The following GASK1A variants were observed in gnomAD, a reference collection of about 807,000 sequenced individuals.
The protein encoded by GASK1A is Golgi-associated kinase 1A.
Under a neutral mutation model 41.2 loss-of-function variants are expected in GASK1A, and 40 were observed. That is an observed-to-expected ratio of 0.97 (90% CI 0.75 to 1.27). The LOEUF (loss-of-function observed/expected upper bound fraction) is 1.27, where lower values mean the gene tolerates loss of function less well. Among genes scored for constraint, GASK1A ranks in the 50% most tolerant of loss-of-function variants. The probability of loss-of-function intolerance (pLI) is 0.00; values close to 1 mark genes in which losing one functional copy is unlikely to be tolerated. For missense variants in GASK1A, 678 were observed against 745.1 expected (o/e 0.91, Z 1.05); for synonymous variants, 316 against 307.1 (o/e 1.03, Z -0.30).
At position 42,987,828 on chromosome 3, in the gene GASK1A, A is replaced by G. The variant is rs867067736; in HGVS notation, c.3+8183A>G. On this transcript the variant is annotated intron_variant, in intron 1 of 4. Transcript: ENST00000430121. Reference sequence around the variant, plus strand: ...AGCCTGGCCAACATGGTGAAACCCCATCTCTACTGAAAATACAAAAATTAG... The same window carrying G: ...AGCCTGGCCAACATGGTGAAACCCCGTCTCTACTGAAAATACAAAAATTAG... Among the ~76,000 whole-genome samples the G allele has an allele frequency of 3.3e-5, 5 of 151,744 alleles. No homozygotes were observed. The South Asian group carries it at 1.0e-3, about 32-fold the overall frequency.
intron 1 of GASK1A, among the ~76,000 whole-genome samples, chr3:42,980,709 A>T (rs1379683082): frequency 6.6e-6 from 1 of 152,004 alleles, no homozygotes; most frequent in East Asian, 1.9e-4. Context: ...GGGCTCAGGG[A>T]AGGGTACCTT....
In GASK1A at chr3:43,056,216, C is replaced by G. The variant is rs1455186537; in HGVS notation, c.1558C>G (p.Leu520Val). 6.4e-7 allele frequency: 1 copy of G among 1,551,704 alleles called. No homozygotes were observed. ...SAVKVLASGC[L>V]QNMLLKSLQM... Reference sequence around the variant, plus strand: ...CGTGAAGGTTCTCGCATCAGGGTGTCTACAGAACATGCTGCTGAAGTCGCT... The same window carrying G: ...CGTGAAGGTTCTCGCATCAGGGTGTGTACAGAACATGCTGCTGAAGTCGCT... The change falls in exon 5 of 5, where the codon CTA (leucine) becomes GTA (valine). Residue 520 changes from leucine (L) to valine (V), a missense_variant. By Grantham distance (32) the Leu-to-Val change is conservative (BLOSUM62 1). Transcript: ENST00000430121.
intron 1 of GASK1A, among the ~76,000 whole-genome samples, chr3:42,982,953 T>A (rs551658): frequency 6.6e-6 from 1 of 152,012 alleles, no homozygotes; most frequent in East Asian, 1.9e-4. Context: ...AGAGGACAAG[T>A]AGCTGAAGCT....
chr3:42,993,590 C>T (rs2089353618), intron 1 of GASK1A, among the ~76,000 whole-genome samples: 1 of 152,106 alleles, frequency 6.6e-6, no homozygotes, highest in Admixed American at 6.5e-5. Flanking sequence ...ACCAGGTGGC[C>T]AGAAGGGTCT....
At chr3:43,014,817 C>T (rs2125680821) in intron 1 of GASK1A, among the ~76,000 whole-genome samples, 1 of 151,534 alleles carries the variant, frequency 6.6e-6, no homozygotes, top group African/African-American at 2.4e-5. Context: ...TGGTGTGAAG[C>T]TACAGGAAAG....
chr3:43,014,898 G>A (rs1055303514), intron 1 of GASK1A, among the ~76,000 whole-genome samples: 4 of 151,908 alleles, frequency 2.6e-5, no homozygotes, highest in Non-Finnish European at 5.9e-5. Context: ...ACAGGAAGAG[G>A]CTGTTTTACG....
At chr3:43,022,343 C>T (rs949541682) in intron 1 of GASK1A, among the ~76,000 whole-genome samples, 2 of 152,222 alleles carry the variant, frequency 1.3e-5, no homozygotes, top group African/African-American at 4.8e-5. Context: ...CAACTTTCCC[C>T]AGGTTTTCTG....
At chr3:43,003,986 T>TATTC (rs200716445) in intron 1 of GASK1A, among the ~76,000 whole-genome samples, 1 of 152,210 alleles carries the variant, frequency 6.6e-6, no homozygotes, top group African/African-American at 2.4e-5. Context: ...TTCATTTATT[T>TATTC]ATTCATTCAT....
intron 1 of GASK1A, among the ~76,000 whole-genome samples, chr3:43,005,973 G>A (rs114689694): frequency 1.4e-3 from 208 of 152,296 alleles, no homozygotes; most frequent in Non-Finnish European, 2.6e-3. Context: ...GGCTTGGAAC[G>A]TATCTTCCAA....
chr3:42,988,318 G>A (rs563762735), intron 1 of GASK1A, among the ~76,000 whole-genome samples: 48 of 152,252 alleles, frequency 3.2e-4, no homozygotes, highest in African/African-American at 1.1e-3. Context: ...GGCTTTTGAG[G>A]GTGTTTGCTT....
chr3:43,002,296 A>G (rs906516053), intron 1 of GASK1A, among the ~76,000 whole-genome samples: 4 of 152,202 alleles, frequency 2.6e-5, no homozygotes, highest in Non-Finnish European at 5.9e-5. Context: ...AACTGATGGC[A>G]TATCAATTTC....
intron 1 of GASK1A, among the ~76,000 whole-genome samples, chr3:43,026,738 T>G (rs985693339): frequency 6.6e-6 from 1 of 151,632 alleles, no homozygotes; most frequent in Non-Finnish European, 1.5e-5. Flanking sequence ...TTAGAAAGGA[T>G]TAAAGAGAAG....
chr3:43,018,620 A>G (rs1251858000), intron 1 of GASK1A, among the ~76,000 whole-genome samples: 7 of 152,174 alleles, frequency 4.6e-5, no homozygotes, highest in East Asian at 3.8e-4. Flanking sequence ...ATATTCTTCT[A>G]TTTCTCAAAG....
intron 1 of GASK1A, among the ~76,000 whole-genome samples, chr3:43,017,076 G>T (rs1353158383): frequency 6.6e-6 from 1 of 152,038 alleles, no homozygotes; most frequent in Non-Finnish European, 1.5e-5. Flanking sequence ...GCATTGTGAA[G>T]TCACATGAAG....
At position 42,988,052 on chromosome 3, in the gene GASK1A, G is replaced by T. The variant is rs534176293; in HGVS notation, c.3+8407G>T. Among the ~76,000 whole-genome samples, 4 of 144,352 alleles carry T rather than the reference G, an allele frequency of 2.8e-5. No individual in the cohort carries two copies. In the East Asian group the frequency reaches 8.3e-4, roughly 30 times the overall value. The allele number at this position is 144,352 out of a possible 152,430, so 94.7% of individuals were successfully genotyped here. On this transcript the variant is annotated intron_variant, in intron 1 of 4. Transcript: ENST00000430121. ...GAGAGAATTCCAACAATAATTGTGTGTACGGGTTTATTTATGTCCCCCAAG... is the reference window on the plus strand; with the variant it reads ...GAGAGAATTCCAACAATAATTGTGTTTACGGGTTTATTTATGTCCCCCAAG...
At position 43,024,319 on chromosome 3, in the gene GASK1A, C is replaced by T. The variant is rs144012422; in HGVS notation, c.4-7948C>T. Reference sequence around the variant, plus strand: ...TTAGCTTAACTTTCTTTGCTCATTCCGTACTGTGAAAACCACAGTAAAGGC... The same window carrying T: ...TTAGCTTAACTTTCTTTGCTCATTCTGTACTGTGAAAACCACAGTAAAGGC... On this transcript the variant is annotated intron_variant, in intron 1 of 4. Transcript: ENST00000430121. Among the ~76,000 whole-genome samples, 693 of 152,290 alleles carry T rather than the reference C, an allele frequency of 4.6e-3. 3 individuals are homozygous for T. The highest frequency in any genetic ancestry group is 0.02 in the Middle Eastern group (6 of 294).
chr3:43,019,272 G>A (rs2089509546), intron 1 of GASK1A, among the ~76,000 whole-genome samples: 2 of 152,206 alleles, frequency 1.3e-5, no homozygotes, highest in Admixed American at 1.3e-4. Context: ...CTGAGCAAGG[G>A]AGCCTGGCCT....
rs142763191 is a variant in GASK1A, at chr3:43,040,457, T to C, written c.1290+6904T>C. On this transcript the variant is annotated intron_variant, in intron 2 of 4. Transcript: ENST00000430121. Reference sequence around the variant, plus strand: ...TTTTAGAATTTTCTTGATATTCTTGTGTACTTTTTTGCTTGTTCCTTCCCC... The same window carrying C: ...TTTTAGAATTTTCTTGATATTCTTGCGTACTTTTTTGCTTGTTCCTTCCCC... Among the ~76,000 whole-genome samples the C allele has an allele frequency of 1.9e-3, 287 of 152,298 alleles. 1 individual carries two copies. The highest frequency in any genetic ancestry group is 6.6e-3 in the African/African-American group (276 of 41,574).
chr3:43,045,466 T>A (rs2089657391), intron 2 of GASK1A, among the ~76,000 whole-genome samples: 2 of 152,224 alleles, frequency 1.3e-5, no homozygotes, highest in Non-Finnish European at 2.9e-5. Context: ...TGTTTATGTA[T>A]TATCTATAAT....
Sources: allele counts gnomAD v4.1 joint callset (sites outside exome capture counted in the v4.1 genomes callset), GRCh38; gene constraint gnomAD v4.1.1; transcripts MANE v1.5; gene names NCBI Gene and HGNC (gene_info 2026-07-23, HGNC 2026-07-21).